The following DIPK1A variants were observed in gnomAD, a reference collection of about 807,000 sequenced individuals.
DIPK1A encodes divergent protein kinase domain 1A, also known as family with sequence similarity 69 member A.
A neutral mutation model predicts 40.8 loss-of-function variants in DIPK1A; 27 were observed. The observed-to-expected ratio is 0.66, with a 90% CI of 0.49 to 0.91. The LOEUF is 0.91. Among genes scored for constraint, DIPK1A ranks in the 40% least tolerant of loss-of-function variants. DIPK1A has a pLI of 0.00. For missense variants in DIPK1A, 412 were observed against 505.7 expected (o/e 0.81, Z 1.78); for synonymous variants, 166 against 171.3 (o/e 0.97, Z 0.24).
At chr1:92,838,603 GC>G (rs1190215131), downstream of DIPK1A, among the ~76,000 whole-genome samples, 7 of 152,126 alleles carry the variant, frequency 4.6e-5, no homozygotes, top group African/African-American at 1.7e-4. Context: ...ATCTACAGTG[GC>G]CTCTATCCTC....
chr1:92,856,987 G>A (rs1688007252), intron 2 of DIPK1A, among the ~76,000 whole-genome samples: 1 of 152,090 alleles, frequency 6.6e-6, no homozygotes, highest in South Asian at 2.1e-4. Context: ...AAATAAATAG[G>A]CCCAGACATA....
At chr1:92,857,290 A>T (rs1230600059) in intron 2 of DIPK1A, among the ~76,000 whole-genome samples, 1 of 151,680 alleles carries the variant, frequency 6.6e-6, no homozygotes, top group African/African-American at 2.4e-5. Flanking sequence ...TTTGTTAAGA[A>T]GGTGGTAGCT....
At chr1:92,879,787 T>C (rs967147206) in intron 1 of DIPK1A, among the ~76,000 whole-genome samples, 20 of 152,258 alleles carry the variant, frequency 1.3e-4, no homozygotes, top group Non-Finnish European at 2.1e-4. Flanking sequence ...AAAATGTTTC[T>C]AGTGGTCTGT....
At chr1:92,887,254 T>TAAAAAAAA (rs60399090) in intron 1 of DIPK1A, among the ~76,000 whole-genome samples, 1 of 106,924 alleles carries the variant, frequency 9.4e-6, no homozygotes, top group Middle Eastern at 4.6e-3. Flanking sequence ...CCATCTCTAC[T>TAAAAAAAA]AAAAAAAAAA....
downstream of DIPK1A, among the ~76,000 whole-genome samples, chr1:92,838,046 T>C (rs6604026): frequency 0.26 from 39,030 of 152,136 alleles, 5,327 homozygotes; most frequent in Middle Eastern, 0.32. Flanking sequence ...TGCGTGATGT[T>C]GTAGAAATGA....
At chr1:92,930,909 T>C (rs1355905488) in intron 1 of DIPK1A, 1 of 152,172 alleles carries the variant, frequency 6.6e-6, no homozygotes, top group Admixed American at 6.5e-5. Context: ...CCTGTAACAC[T>C]CTATACACAC....
At chr1:92,860,833 C>A (rs1647229801) in intron 2 of DIPK1A, among the ~76,000 whole-genome samples, 1 of 151,764 alleles carries the variant, frequency 6.6e-6, no homozygotes, top group Non-Finnish European at 1.5e-5. Flanking sequence ...AGTTTACAGG[C>A]AGATTATATG....
rs940796110 is a variant in DIPK1A, at chr1:92,835,599, G to A, written c.475-2565C>T. Among the ~76,000 whole-genome samples, 4 of 148,546 alleles carry A rather than the reference G, an allele frequency of 2.7e-5. No individual in the cohort carries two copies. The South Asian group carries it at 8.4e-4, about 31-fold the overall frequency. On this transcript the variant is annotated intron_variant, in intron 4 of 4. Transcript: ENST00000615519. ...CACTTGAACCCAGAAGGCAGAGGTT[G>A]CAGTGAGCTGAGATCACGCCATTGC...
intron 1 of DIPK1A, chr1:92,876,866 A>C (rs1188779058): frequency 2.2e-6 from 1 of 454,718 alleles, no homozygotes; most frequent in Admixed American, 6.4e-5. Flanking sequence ...AAGAAATAAG[A>C]ACAGAAAATC....
intron 1 of DIPK1A, among the ~76,000 whole-genome samples, chr1:92,899,502 G>C (rs1649321007): frequency 6.6e-6 from 1 of 152,116 alleles, no homozygotes; most frequent in Non-Finnish European, 1.5e-5. Flanking sequence ...CATCCATTCA[G>C]CCAGTCTATA....
At chr1:92,922,435 G>T (rs555949950) in intron 1 of DIPK1A, among the ~76,000 whole-genome samples, 1 of 151,008 alleles carries the variant, frequency 6.6e-6, no homozygotes, top group South Asian at 2.1e-4. Context: ...CGAATTATTT[G>T]CGCCCAACTA....
At chr1:92,884,984 T>C (rs1245111036) in intron 1 of DIPK1A, among the ~76,000 whole-genome samples, 2 of 152,176 alleles carry the variant, frequency 1.3e-5, no homozygotes, top group Non-Finnish European at 2.9e-5. Flanking sequence ...TTCTGTGAGA[T>C]TGGTGAAAGA....
chr1:92,916,234 GT>G (rs1203733425), intron 1 of DIPK1A, among the ~76,000 whole-genome samples: 9 of 151,208 alleles, frequency 6.0e-5, no homozygotes, highest in Non-Finnish European at 1.0e-4. Context: ...CTTTAAAAGG[GT>G]TTTATAGTAT....
At chr1:92,906,243 C>T (rs1468918102) in intron 1 of DIPK1A, among the ~76,000 whole-genome samples, 1 of 152,080 alleles carries the variant, frequency 6.6e-6, no homozygotes, top group African/African-American at 2.4e-5. Context: ...TATTTCCTAA[C>T]ATTACTAGCC....
At chr1:92,876,232 T>G in intron 2 of DIPK1A, 64 bp downstream of exon 2, 14 of 995,880 alleles carry the variant, frequency 1.4e-5, no homozygotes, top group Admixed American at 3.6e-5. Context: ...TTAGTAAGTA[T>G]GTAAGCAGTA....
chr1:92,904,147 G>C (rs977750615), intron 1 of DIPK1A, among the ~76,000 whole-genome samples: 56 of 152,280 alleles, frequency 3.7e-4, no homozygotes, highest in African/African-American at 1.3e-3. Context: ...AGAGACAAAT[G>C]ACAGATCTTT....
intron 2 of DIPK1A, among the ~76,000 whole-genome samples, chr1:92,869,739 T>TA (rs1647741759): frequency 2.0e-5 from 3 of 151,708 alleles, no homozygotes; most frequent in South Asian, 2.1e-4. Context: ...TTATGCAGTT[T>TA]TATATATATA....
chr1:92,926,705 T>G (rs1650527256), intron 1 of DIPK1A, among the ~76,000 whole-genome samples: 2 of 152,224 alleles, frequency 1.3e-5, no homozygotes, highest in African/African-American at 4.8e-5. Flanking sequence ...ATACATACAT[T>G]TGGGATTATG....
chr1:92,893,377 C>A (rs1369427051), intron 1 of DIPK1A, among the ~76,000 whole-genome samples: 5 of 151,760 alleles, frequency 3.3e-5, no homozygotes, highest in African/African-American at 9.7e-5. Flanking sequence ...AATTTTCAAC[C>A]CAGAATTTCA....
Sources: allele counts gnomAD v4.1 joint callset (sites outside exome capture counted in the v4.1 genomes callset), GRCh38; gene constraint gnomAD v4.1.1; transcripts MANE v1.5; gene names NCBI Gene and HGNC (gene_info 2026-07-23, HGNC 2026-07-21).